The following LRMDA variants were observed in gnomAD, a reference collection of about 807,000 sequenced individuals.
LRMDA encodes leucine rich melanocyte differentiation associated.
A neutral mutation model predicts 29.8 loss-of-function variants in LRMDA; 18 were observed. The ratio of observed to expected loss-of-function variants is 0.60; its 90% CI spans 0.42 to 0.90. The LOEUF is 0.90. Ranked by LOEUF, LRMDA falls within the 40% of genes least tolerant of loss-of-function variation. LRMDA has a pLI of 0.00. For missense variants in LRMDA, 273 were observed against 273.9 expected (o/e 1.00, Z 0.02); for synonymous variants, 125 against 109.4 (o/e 1.14, Z -0.89).
intron 6 of LRMDA, among the ~76,000 whole-genome samples, chr10:76,531,781 A>G (rs1317015830): frequency 6.6e-6 from 1 of 152,116 alleles, no homozygotes; most frequent in African/African-American, 2.4e-5. Flanking sequence ...TGTTTTTGGT[A>G]TCAGTGTAAT....
chr10:75,623,620 G>T (rs1841214885), intron 2 of LRMDA, among the ~76,000 whole-genome samples: 1 of 152,120 alleles, frequency 6.6e-6, no homozygotes, highest in South Asian at 2.1e-4. Context: ...GGTGTTTTTG[G>T]TCTTTGTTGT....
intron 2 of LRMDA, among the ~76,000 whole-genome samples, chr10:75,605,410 G>A (rs1361763246): frequency 2.0e-5 from 3 of 152,152 alleles, no homozygotes; most frequent in African/African-American, 7.2e-5. Context: ...AAAATTTCCC[G>A]TGTTTGCCCC....
chr10:76,052,300 G>T (rs183447245), intron 4 of LRMDA, among the ~76,000 whole-genome samples: 2 of 152,332 alleles, frequency 1.3e-5, no homozygotes, highest in Admixed American at 6.5e-5. Context: ...GTTCCCTCAA[G>T]AATTGGAAAC....
intron 6 of LRMDA, among the ~76,000 whole-genome samples, chr10:76,407,962 A>G (rs1841919978): frequency 1.3e-5 from 2 of 152,222 alleles, no homozygotes; most frequent in Admixed American, 6.5e-5. Flanking sequence ...CAATACAATT[A>G]TGTCATTTTC....
intron 2 of LRMDA, among the ~76,000 whole-genome samples, chr10:75,932,215 C>T (rs1014135375): frequency 1.3e-5 from 2 of 152,192 alleles, no homozygotes; most frequent in African/African-American, 2.4e-5. Flanking sequence ...TCTTTTGCCA[C>T]AGATTTCATC....
intron 6 of LRMDA, among the ~76,000 whole-genome samples, chr10:76,503,879 G>T (rs1468221121): frequency 6.8e-6 from 1 of 146,528 alleles, no homozygotes. Context: ...TTTGGGGTTG[G>T]TTCTTTTTTT....
intron 5 of LRMDA, among the ~76,000 whole-genome samples, chr10:76,281,235 A>G (rs16933163): frequency 0.07 from 10,615 of 152,266 alleles, 956 homozygotes; most frequent in African/African-American, 0.21. Context: ...GGAAAGTGGA[A>G]GTATATGGGA....
chr10:75,745,252 ATCTCTCTCTCTCTT>A (rs142895553), intron 2 of LRMDA, among the ~76,000 whole-genome samples: 16,591 of 151,710 alleles, frequency 0.11, 965 homozygotes, highest in Middle Eastern at 0.18. Context: ...TTTATTCATC[ATCTCTCTCTCTCTT>A]TCTCTCTCTC....
Position 75,936,606 on chromosome 10 carries a change from C to T in LRMDA, c.132-99402C>T, listed in dbSNP as rs888455570. Among the ~76,000 whole-genome samples, 4 of 152,148 alleles carry T rather than the reference C, an allele frequency of 2.6e-5. No homozygotes were observed. In the South Asian group the frequency reaches 8.3e-4, roughly 31 times the overall value. On this transcript the variant is annotated intron_variant, in intron 2 of 6. Transcript: ENST00000611255. ...GGTTATAAACAGCAGATACTTATTT[C>T]TCAGCGTTCTGGAGACTGGGAGATC...
chr10:76,509,234 C>T (rs971260470), intron 6 of LRMDA, among the ~76,000 whole-genome samples: 1 of 152,118 alleles, frequency 6.6e-6, no homozygotes, highest in Non-Finnish European at 1.5e-5. Flanking sequence ...TCTAATGTCA[C>T]TCCTTCCTGT....
chr10:75,818,887 G>A (rs1364075690), intron 2 of LRMDA, among the ~76,000 whole-genome samples: 1 of 152,086 alleles, frequency 6.6e-6, no homozygotes, highest in Non-Finnish European at 1.5e-5. Context: ...GTAAAGTAGG[G>A]GCAATGTAAA....
intron 2 of LRMDA, among the ~76,000 whole-genome samples, chr10:75,973,660 T>C (rs905809015): frequency 1.2e-4 from 19 of 152,182 alleles, no homozygotes; most frequent in Non-Finnish European, 2.5e-4. Flanking sequence ...CCTCAGGTGA[T>C]CCACCCGCCT....
At chr10:76,166,936 T>C (rs1036719688) in intron 5 of LRMDA, among the ~76,000 whole-genome samples, 7 of 152,200 alleles carry the variant, frequency 4.6e-5, no homozygotes, top group African/African-American at 1.7e-4. Flanking sequence ...CCCTTTTCTC[T>C]GCAACCTTGC....
chr10:76,247,406 T>C lies in LRMDA; in HGVS notation c.517-76995T>C, dbSNP rs147626606. On this transcript the variant is annotated intron_variant, in intron 5 of 6. Coordinates refer to ENST00000611255, the MANE Select transcript of LRMDA (RefSeq NM_001305581.2). The stretch of plus-strand genomic sequence containing the variant: ...ATGAAACCCTATGGAGTGAGCTTAG[T>C]TGAAGGGGACTGAGCAAGCCATTTC... Among the ~76,000 whole-genome samples the C allele has an allele frequency of 2.0e-4, 30 of 152,206 alleles. No homozygotes were observed. In the East Asian group the frequency reaches 5.6e-3, roughly 29 times the overall value.
intron 2 of LRMDA, among the ~76,000 whole-genome samples, chr10:75,868,521 C>T (rs1845056768): frequency 1.3e-5 from 2 of 152,212 alleles, no homozygotes; most frequent in Admixed American, 1.3e-4. Context: ...AATGCAGACT[C>T]TTATTAACTC....
chr10:76,511,039 T>G (rs1190307534), intron 6 of LRMDA, among the ~76,000 whole-genome samples: 2 of 152,328 alleles, frequency 1.3e-5, no homozygotes, highest in Non-Finnish European at 2.9e-5. Context: ...GTGGGATATT[T>G]GAATTGTCTC....
intron 2 of LRMDA, among the ~76,000 whole-genome samples, chr10:75,803,496 A>C (rs1021857580): frequency 3.9e-5 from 6 of 152,192 alleles, no homozygotes; most frequent in Admixed American, 3.3e-4. Context: ...GCATGGATCC[A>C]GACCGCCTGC....
chr10:76,283,505 G>A (rs1005632257), intron 5 of LRMDA, among the ~76,000 whole-genome samples: 2 of 152,150 alleles, frequency 1.3e-5, no homozygotes, highest in African/African-American at 4.8e-5. Context: ...ACTGAAGGAG[G>A]CCTCTAAAAT....
intron 2 of LRMDA, among the ~76,000 whole-genome samples, chr10:75,943,942 A>G (rs1182163140): frequency 1.3e-5 from 2 of 152,192 alleles, no homozygotes; most frequent in East Asian, 3.8e-4. Context: ...AAATCGCTAT[A>G]TATCTTTGAA....
Sources: allele counts gnomAD v4.1 joint callset (sites outside exome capture counted in the v4.1 genomes callset), GRCh38; gene constraint gnomAD v4.1.1; transcripts MANE v1.5; gene names NCBI Gene and HGNC (gene_info 2026-07-23, HGNC 2026-07-21).